ASTN2: variants seen among roughly 807,000 people sequenced by gnomAD.
The protein encoded by ASTN2 is astrotactin 2.
Under a neutral mutation model 139.8 loss-of-function variants are expected in ASTN2, and 54 were observed. The observed-to-expected ratio is 0.39, with a 90% CI of 0.31 to 0.48. The LOEUF is 0.48. Ranked by LOEUF, ASTN2 falls within the 20% of genes least tolerant of loss-of-function variation. ASTN2 has a pLI of 0.95. For missense variants in ASTN2, 1,565 were observed against 1,725.1 expected, an observed-to-expected ratio of 0.91 and a Z score of 1.64; for synonymous variants, 756 against 719.5, an observed-to-expected ratio of 1.05 and a Z score of -0.81.
At chr9:116,446,211 G>C (rs1473470483) in intron 20 of ASTN2, among the ~76,000 whole-genome samples, 1 of 150,992 alleles carries the variant, frequency 6.6e-6, no homozygotes, top group South Asian at 2.1e-4. Context: ...GAAAGAGGGA[G>C]AGCCAGGGAC....
chr9:117,302,620 C>T (rs1030894407), intron 1 of ASTN2, among the ~76,000 whole-genome samples: 4 of 152,134 alleles, frequency 2.6e-5, no homozygotes, highest in African/African-American at 9.7e-5. Flanking sequence ...CACACCCCAA[C>T]CCAGGGGACT....
intron 17 of ASTN2, among the ~76,000 whole-genome samples, chr9:116,632,604 A>G (rs993549439): frequency 6.6e-6 from 1 of 152,194 alleles, no homozygotes; most frequent in Admixed American, 6.5e-5. Flanking sequence ...TACCAGCTAC[A>G]TTGAACCCTT....
chr9:117,143,790 G>C (rs1830128688), intron 3 of ASTN2, among the ~76,000 whole-genome samples: 2 of 151,548 alleles, frequency 1.3e-5, no homozygotes, highest in South Asian at 4.2e-4. Flanking sequence ...TGGGGGAGCA[G>C]GGAAAGAGAG....
At chr9:116,658,030 A>G (rs1051958313) in intron 16 of ASTN2, among the ~76,000 whole-genome samples, 1 of 152,036 alleles carries the variant, frequency 6.6e-6, no homozygotes, top group African/African-American at 2.4e-5. Flanking sequence ...GACTACAGGT[A>G]CATGCCACCA....
At chr9:116,475,770 T>A (rs917469449) in intron 20 of ASTN2, among the ~76,000 whole-genome samples, 4 of 152,152 alleles carry the variant, frequency 2.6e-5, no homozygotes, top group Non-Finnish European at 5.9e-5. Flanking sequence ...ATGAAGCTCA[T>A]TCATCCCACC....
chr9:117,221,163 C>A (rs1007329329), intron 2 of ASTN2, among the ~76,000 whole-genome samples: 2 of 152,084 alleles, frequency 1.3e-5, no homozygotes. Context: ...CCTGACCAAA[C>A]CTCGTATGCC....
chr9:117,122,747 G>T (rs1829589637), intron 4 of ASTN2, among the ~76,000 whole-genome samples: 1 of 152,128 alleles, frequency 6.6e-6, no homozygotes, highest in East Asian at 1.9e-4. Flanking sequence ...TTCATTGCTG[G>T]TGGTGGGTTT....
At chr9:117,203,629 G>A (rs1361459843) in intron 3 of ASTN2, among the ~76,000 whole-genome samples, 1 of 152,004 alleles carries the variant, frequency 6.6e-6, no homozygotes, top group Non-Finnish European at 1.5e-5. Context: ...AGCTGCTGCA[G>A]TTTGCTGGGA....
At chr9:117,377,675 A>G (rs1292384168) in intron 1 of ASTN2, among the ~76,000 whole-genome samples, 1 of 151,390 alleles carries the variant, frequency 6.6e-6, no homozygotes, top group Non-Finnish European at 1.5e-5. Flanking sequence ...TATATACACA[A>G]AAAAGTTCAC....
intron 17 of ASTN2, among the ~76,000 whole-genome samples, chr9:116,627,442 T>C (rs1025629614): frequency 8.5e-5 from 13 of 152,130 alleles, no homozygotes; most frequent in African/African-American, 2.9e-4. Flanking sequence ...AAGAGAAACA[T>C]TCACTACACC....
intron 10 of ASTN2, among the ~76,000 whole-genome samples, chr9:116,948,783 G>GTTTT (rs1564355547): frequency 1.0e-4 from 5 of 49,402 alleles, no homozygotes; most frequent in Admixed American, 2.8e-4. Context: ...AAATAATTTG[G>GTTTT]TGTTTTTTTT....
chr9:116,658,810 T>A (rs1293892192), intron 16 of ASTN2, among the ~76,000 whole-genome samples: 1 of 141,594 alleles, frequency 7.1e-6, no homozygotes, highest in Non-Finnish European at 1.5e-5. Context: ...AGAAAGAGCA[T>A]GAAGGCCAAC....
intron 5 of ASTN2, among the ~76,000 whole-genome samples, chr9:117,088,164 T>C (rs1198978363): frequency 1.3e-5 from 2 of 152,200 alleles, no homozygotes; most frequent in Non-Finnish European, 2.9e-5. Flanking sequence ...GGATAAAGGA[T>C]GAGGTAAGCC....
At chr9:117,194,396 A>G (rs1831433939) in intron 3 of ASTN2, among the ~76,000 whole-genome samples, 1 of 152,180 alleles carries the variant, frequency 6.6e-6, no homozygotes, top group Non-Finnish European at 1.5e-5. Context: ...CCCACTCTCA[A>G]ACTGTGAAAT....
chr9:116,771,622 G>C (rs1028607676), intron 13 of ASTN2, among the ~76,000 whole-genome samples: 1 of 152,174 alleles, frequency 6.6e-6, no homozygotes, highest in African/African-American at 2.4e-5. Context: ...AGTGTGTACT[G>C]TCTTTGGGAT....
At chr9:117,228,968 C>A (rs1209660707) in intron 2 of ASTN2, among the ~76,000 whole-genome samples, 1 of 152,084 alleles carries the variant, frequency 6.6e-6, no homozygotes, top group African/African-American at 2.4e-5. Context: ...GGTGCCACTG[C>A]ACTCCAGCCT....
rs1481827992 is a variant in ASTN2, at chr9:116,803,498, ATATATATATATATATATATATATATTTT to A, written c.2396+2106_2396+2133del. ...GTTCGAATAATATATATATATATAT[ATATATATATATATATATATATATATTTT>A]TTTTTTTTTTTTTTTTTAGACGGAG... is the stretch of plus-strand genomic sequence containing the variant. On this transcript the variant is annotated intron_variant, in intron 13 of 22. Coordinates refer to ENST00000313400, the MANE Select transcript of ASTN2 (RefSeq NM_001365068.1). Among the ~76,000 whole-genome samples, 102 of 41,554 alleles carry A rather than the reference ATATATATATATATATATATATATATTTT, an allele frequency of 2.5e-3. 1 individual carries two copies. The highest frequency in any genetic ancestry group is 0.026 in the Middle Eastern group (2 of 78). The allele number at this position is 41,554 out of a possible 152,430, so 27.3% of individuals were successfully genotyped here.
At chr9:117,140,355 A>T (rs1830044599) in intron 4 of ASTN2, among the ~76,000 whole-genome samples, 1 of 152,046 alleles carries the variant, frequency 6.6e-6, no homozygotes, top group African/African-American at 2.4e-5. Flanking sequence ...AAGGGGGATG[A>T]CCTGATCAGA....
intron 10 of ASTN2, among the ~76,000 whole-genome samples, chr9:116,968,437 T>A (rs1836081594): frequency 6.6e-6 from 1 of 152,126 alleles, no homozygotes; most frequent in Non-Finnish European, 1.5e-5. Flanking sequence ...TACACTACCC[T>A]AAAGTGCTCC....
Sources: allele counts gnomAD v4.1 joint callset (sites outside exome capture counted in the v4.1 genomes callset), GRCh38; gene constraint gnomAD v4.1.1; transcripts MANE v1.5; gene names NCBI Gene and HGNC (gene_info 2026-07-23, HGNC 2026-07-21).